The following PHF21A variants were observed in gnomAD, a reference collection of about 807,000 sequenced individuals.
The protein encoded by PHF21A is BHC80a.
A neutral mutation model predicts 82.5 loss-of-function variants in PHF21A; 11 were observed. The observed-to-expected ratio is 0.13, with a 90% confidence interval of 0.08 to 0.22. PHF21A has a LOEUF of 0.22. PHF21A is among the 10% of genes least tolerant of loss of function. The pLI, the probability that PHF21A is intolerant of heterozygous loss-of-function variation, is 1.00. For synonymous variants in PHF21A, 297 were observed against 302.8 expected (o/e 0.98, Z 0.20); for missense variants, 579 against 837.8 (o/e 0.69, Z 3.81).
chr11:46,062,258 C>T (rs1311265972), intron 6 of PHF21A, among the ~76,000 whole-genome samples: 2 of 151,948 alleles, frequency 1.3e-5, no homozygotes, highest in Non-Finnish European at 2.9e-5. Context: ...GGTTGTGGGA[C>T]ATTTCCTTAT....
chr11:46,068,344 G>A (rs1425101239), intron 6 of PHF21A, among the ~76,000 whole-genome samples: 2 of 151,956 alleles, frequency 1.3e-5, no homozygotes, highest in Non-Finnish European at 2.9e-5. Context: ...TAGAGAAAAG[G>A]GAATAAATGG....
At position 46,108,555 on chromosome 11, in the gene PHF21A, A is replaced by ATG. The variant is rs779833383; in HGVS notation, c.-237+12378_-237+12379dup. Among the ~76,000 whole-genome samples, 735 of 94,912 alleles carry ATG rather than the reference A, an allele frequency of 7.7e-3. 5 individuals are homozygous for ATG. Among genetic ancestry groups the ATG allele is most frequent in the Admixed American group, 0.015 (106 of 6,866 alleles). The allele number at this position is 94,912 out of a possible 152,430, so 62.3% of individuals were successfully genotyped here. On this transcript the variant is annotated intron_variant, in intron 1 of 18. Transcript: ENST00000676320. Reference sequence around the variant, plus strand: ...ATGGTATAATTAAACTTCTTTAAAAATGTGTGTGTGTGTATATATATATAT... The same window carrying ATG: ...ATGGTATAATTAAACTTCTTTAAAAATGTGTGTGTGTGTGTATATATATATAT...
intron 15 of PHF21A, among the ~76,000 whole-genome samples, chr11:45,939,509 C>A (rs750189790): frequency 2.0e-5 from 3 of 152,130 alleles, no homozygotes; most frequent in Non-Finnish European, 4.4e-5. Flanking sequence ...GCCAAAGCAA[C>A]AGCTGACAAT....
At chr11:46,022,891 C>G (rs1201127515) in intron 6 of PHF21A, among the ~76,000 whole-genome samples, 1 of 152,064 alleles carries the variant, frequency 6.6e-6, no homozygotes, top group Admixed American at 6.6e-5. Flanking sequence ...GCTGGGATTA[C>G]AAGTGTGCAC....
intron 16 of PHF21A, among the ~76,000 whole-genome samples, chr11:45,937,497 T>A (rs1193307394): frequency 6.6e-6 from 1 of 152,244 alleles, no homozygotes; most frequent in African/African-American, 2.4e-5. Flanking sequence ...ATTATTTTTT[T>A]GAGACAGAGT....
intron 6 of PHF21A, among the ~76,000 whole-genome samples, chr11:45,995,734 C>G (rs1024685737): frequency 6.6e-6 from 1 of 152,238 alleles, no homozygotes; most frequent in East Asian, 1.9e-4. Context: ...AGAAGCTGAA[C>G]GCAGCTCTGT....
intron 6 of PHF21A, among the ~76,000 whole-genome samples, chr11:45,989,371 TG>T (rs2094597803): frequency 6.6e-6 from 1 of 150,620 alleles, no homozygotes. Flanking sequence ...TTAGCTGGGG[TG>T]GGCCAGACGC....
intron 6 of PHF21A, among the ~76,000 whole-genome samples, chr11:46,028,865 C>G (rs1033195314): frequency 1.3e-5 from 2 of 152,202 alleles, no homozygotes; most frequent in African/African-American, 4.8e-5. Flanking sequence ...AGCCACCACG[C>G]CCAGCAAAGG....
intron 10 of PHF21A, among the ~76,000 whole-genome samples, chr11:45,964,990 G>A (rs977950928): frequency 1.3e-5 from 2 of 152,110 alleles, no homozygotes; most frequent in Non-Finnish European, 2.9e-5. Flanking sequence ...CTAACATGGC[G>A]TTTTCTGTTT....
intron 7 of PHF21A, among the ~76,000 whole-genome samples, chr11:45,976,715 G>A (rs1411197659): frequency 6.6e-6 from 1 of 152,134 alleles, no homozygotes; most frequent in Non-Finnish European, 1.5e-5. Context: ...GGTGGCCTGT[G>A]CCTGTAGTCC....
intron 15 of PHF21A, among the ~76,000 whole-genome samples, chr11:45,942,288 A>G (rs1044922566): frequency 6.6e-6 from 1 of 152,248 alleles, no homozygotes; most frequent in Non-Finnish European, 1.5e-5. Context: ...TTTGGGTTCA[A>G]TCTTTCAAAG....
At chr11:45,940,297 G>C (rs947630963) in intron 15 of PHF21A, among the ~76,000 whole-genome samples, 1 of 151,912 alleles carries the variant, frequency 6.6e-6, no homozygotes, top group African/African-American at 2.4e-5. Context: ...CTGGATTCAA[G>C]CGATTCTCCT....
intron 6 of PHF21A, among the ~76,000 whole-genome samples, chr11:46,029,390 T>TA (rs2095818936): frequency 6.6e-6 from 1 of 152,168 alleles, no homozygotes; most frequent in African/African-American, 2.4e-5. Context: ...GTTTAAGGAT[T>TA]AAAAAATTCT....
chr11:46,072,641 A>C (rs1421262476), intron 6 of PHF21A, among the ~76,000 whole-genome samples: 1 of 152,226 alleles, frequency 6.6e-6, no homozygotes, highest in Non-Finnish European at 1.5e-5. Flanking sequence ...ATGAAGGAAA[A>C]GTATGGTTCA....
intron 6 of PHF21A, among the ~76,000 whole-genome samples, chr11:46,032,294 A>C (rs1280081458): frequency 1.3e-5 from 2 of 152,134 alleles, no homozygotes; most frequent in African/African-American, 4.8e-5. Context: ...TCAACCCCAG[A>C]AATAAGCTCC....
In PHF21A at chr11:46,099,523, G is replaced by GAGACACACACAC. The variant is rs2097058153; in HGVS notation, c.-236-7301_-236-7300insGTGTGTGTGTCT. Among the ~76,000 whole-genome samples, 4 of 137,592 alleles carry GAGACACACACAC rather than the reference G, an allele frequency of 2.9e-5. No homozygotes were observed. The South Asian group carries it at 7.5e-4, about 26-fold the overall frequency. 90.3% of individuals were successfully genotyped at this position (137,592 alleles called of 152,430 possible). A position where few individuals can be genotyped will look rare whatever the true frequency, so the allele number is the denominator to read the frequency against. Reference sequence around the variant, plus strand: ...TGCCTTTCAGGCTATAGAAAAATTAGACACACACACACACACACACACACA... The same window carrying GAGACACACACAC: ...TGCCTTTCAGGCTATAGAAAAATTAGAGACACACACACACACACACACACACACACACACACA... On this transcript the variant is annotated intron_variant, in intron 1 of 18. Transcript: ENST00000676320.
intron 6 of PHF21A, among the ~76,000 whole-genome samples, chr11:45,999,074 G>A (rs1301588597): frequency 6.6e-6 from 1 of 151,752 alleles, no homozygotes; most frequent in Non-Finnish European, 1.5e-5. Flanking sequence ...TGATCTGCCC[G>A]CCTCAGCCTC....
Position 46,115,121 on chromosome 11 carries a change from T to C in PHF21A, c.-237+5814A>G, listed in dbSNP as rs982385034. ...TTTCACCAAAGTCTTTTTTATTTAC[T>C]TTTTTTTTAAGGCAGGGAGAGGGGA... On this transcript the variant is annotated intron_variant, in intron 1 of 18. Transcript: ENST00000676320. Among the ~76,000 whole-genome samples the C allele has an allele frequency of 1.1e-4, 16 of 151,366 alleles. No individual in the cohort carries two copies. The East Asian group carries it at 3.1e-3, about 29-fold the overall frequency.
chr11:45,950,141 C>T, intron 12 of PHF21A, 65 bp downstream of exon 12: 1 of 1,243,492 alleles, frequency 8.0e-7, no homozygotes, highest in South Asian at 1.3e-5. Context: ...TTCAATCAAA[C>T]ATCATTTTCA....
Sources: gnomAD v4.1 joint callset for allele counts (sites outside exome capture counted in the v4.1 genomes callset) on GRCh38, gnomAD v4.1.1 for gene constraint, MANE v1.5 for transcripts, NCBI Gene and HGNC (gene_info 2026-07-23, HGNC 2026-07-21) for gene names.